The following CELF2 variants were observed in gnomAD, a reference collection of about 807,000 sequenced individuals.
CELF2 encodes CUGBP Elav-like family member 2, also known as CUG triplet repeat RNA-binding protein 2.
In CELF2, 8 loss-of-function variants were observed where a neutral mutation model predicts 62.6. The ratio of observed to expected loss-of-function variants is 0.13; its 90% CI spans 0.07 to 0.23. The LOEUF is 0.23. Among genes scored for constraint, CELF2 ranks in the 10% least tolerant of loss-of-function variants. The pLI is 1.00. For synonymous variants in CELF2, 258 were observed against 250.0 expected (o/e 1.03, Z -0.30); for missense variants, 333 against 671.0 (o/e 0.50, Z 5.56).
chr10:11,239,354 T>G (rs377373415), intron 3 of CELF2, among the ~76,000 whole-genome samples: 3 of 152,260 alleles, frequency 2.0e-5, no homozygotes, highest in South Asian at 4.1e-4. Flanking sequence ...CTGCAGTTTT[T>G]CTCCATCACT....
intron 1 of CELF2, among the ~76,000 whole-genome samples, chr10:10,915,906 A>C (rs968635346): frequency 6.6e-6 from 1 of 152,248 alleles, no homozygotes; most frequent in African/African-American, 2.4e-5. Context: ...TTAAGTGCTA[A>C]TGAATATTTT....
At position 11,025,239 on chromosome 10, in the gene CELF2, G is replaced by GTGTATATACATATATA. The variant is rs61580670; in HGVS notation, c.74+7077_74+7078insGTATATACATATATAT. ...TGTGTGTGTGTGTGTGTGTGTGTGT[G>GTGTATATACATATATA]TATATGTATGTGACTGTATATCTGG... On this transcript the variant is annotated intron_variant, in intron 1 of 12. Coordinates refer to ENST00000633077, the MANE Select transcript of CELF2 (RefSeq NM_001326342.2). 2.1e-5 allele frequency among the ~76,000 whole-genome samples: 3 copies of GTGTATATACATATATA among 140,998 alleles called. No individual in the cohort carries two copies. In the South Asian group the frequency reaches 7.0e-4, roughly 33 times the overall value. The allele number at this position is 140,998 out of a possible 152,430, so 92.5% of individuals were successfully genotyped here. A position where few individuals can be genotyped will look rare whatever the true frequency, so the allele number is the denominator to read the frequency against.
At chr10:10,798,704 T>TC in exon 1 of CELF2, 1 of 398,630 alleles carries the variant, frequency 2.5e-6, no homozygotes, top group Non-Finnish European at 4.4e-6. Context: ...CTCCGTCTGT[T>TC]CCCCAGCACC....
chr10:11,183,566 C>T (rs1275986085), intron 2 of CELF2, among the ~76,000 whole-genome samples: 1 of 152,208 alleles, frequency 6.6e-6, no homozygotes, highest in African/African-American at 2.4e-5. Context: ...ACCAGCAATA[C>T]CTGAGAGTTT....
the CELF2 span, among the ~76,000 whole-genome samples, chr10:10,691,006 A>ATT: frequency 2.2e-4 from 33 of 151,714 alleles, no homozygotes; most frequent in East Asian, 1.9e-3. Flanking sequence ...GATTATGGTG[A>ATT]TTTTTTTTTA....
chr10:11,302,383 A>G lies in CELF2; in HGVS notation c.977-11756A>G, dbSNP rs1450394309. On this transcript the variant is annotated intron_variant, in intron 9 of 12. Transcript: ENST00000633077. The surrounding 1 kb of genome is among the most constrained non-coding windows in gnomAD (Gnocchi z 5.0). Reference sequence around the variant, plus strand: ...ACTCAGATGCCCAAGCCCCACAACCAGAGCGTCTGACTCAGCGGGAGTGAG... The same window carrying G: ...ACTCAGATGCCCAAGCCCCACAACCGGAGCGTCTGACTCAGCGGGAGTGAG... Among the ~76,000 whole-genome samples, 2 of 152,208 alleles carry G rather than the reference A, an allele frequency of 1.3e-5. No individual in the cohort carries two copies. The highest frequency in any genetic ancestry group is 2.9e-5 in the Non-Finnish European group (2 of 68,030).
chr10:10,757,798 GAC>G, the CELF2 span, among the ~76,000 whole-genome samples: 1 of 152,334 alleles, frequency 6.6e-6, no homozygotes, highest in African/African-American at 2.4e-5. Flanking sequence ...GAAAAAAGAA[GAC>G]ACAGTTTCTG....
the CELF2 span, among the ~76,000 whole-genome samples, chr10:10,700,001 C>G: frequency 2.0e-5 from 3 of 152,170 alleles, no homozygotes; most frequent in Admixed American, 2.0e-4. Flanking sequence ...CAGAAAAAGC[C>G]TAGCCTCCAC....
intron 1 of CELF2, among the ~76,000 whole-genome samples, chr10:11,105,930 G>A (rs143203330): frequency 6.6e-6 from 1 of 152,200 alleles, no homozygotes; most frequent in Non-Finnish European, 1.5e-5. Flanking sequence ...GCATTATATA[G>A]TGTCTGGTTC....
At chr10:10,908,455 C>T (rs189235774) in intron 1 of CELF2, among the ~76,000 whole-genome samples, 91 of 151,892 alleles carry the variant, frequency 6.0e-4, no homozygotes, top group African/African-American at 2.1e-3. Flanking sequence ...CTCCTGAACT[C>T]GTGATCTGCC....
chr10:10,562,925 ATTT>A, the CELF2 span, among the ~76,000 whole-genome samples: 1 of 141,606 alleles, frequency 7.1e-6, no homozygotes, highest in South Asian at 2.2e-4. Context: ...AGTCTAAGGC[ATTT>A]TTTTTTTTTA....
At chr10:11,148,338 C>T (rs906223627) in intron 1 of CELF2, among the ~76,000 whole-genome samples, 26 of 152,284 alleles carry the variant, frequency 1.7e-4, no homozygotes, top group African/African-American at 5.5e-4. Flanking sequence ...CTTCACACAG[C>T]GTGTAACGGA....
chr10:10,785,077 G>A, the CELF2 span, among the ~76,000 whole-genome samples: 2 of 152,182 alleles, frequency 1.3e-5, no homozygotes, highest in African/African-American at 4.8e-5. Flanking sequence ...AAAGATTACT[G>A]TCAAATATAA....
At chr10:10,902,654 G>A (rs1209751752) in intron 1 of CELF2, among the ~76,000 whole-genome samples, 2 of 152,052 alleles carry the variant, frequency 1.3e-5, no homozygotes, top group African/African-American at 4.8e-5. Flanking sequence ...GAGTTGTTAG[G>A]TTGATTTATT....
the CELF2 span, among the ~76,000 whole-genome samples, chr10:10,529,696 A>C: frequency 6.6e-6 from 1 of 151,604 alleles, no homozygotes. Flanking sequence ...AAAAAAAAAA[A>C]AAAAAAAAAA....
chr10:10,951,838 T>C (rs945673508), intron 2 of CELF2: 2 of 152,532 alleles, frequency 1.3e-5, no homozygotes, highest in African/African-American at 4.8e-5. Flanking sequence ...CCCAAACATA[T>C]TGAAGTCAGC....
intron 12 of CELF2, among the ~76,000 whole-genome samples, chr10:11,327,769 G>A (rs148243406): frequency 4.1e-4 from 62 of 152,298 alleles, no homozygotes; most frequent in African/African-American, 1.2e-3. Context: ...GCTGCCCAGC[G>A]TTATGCCGCA....
At chr10:10,586,591 G>A in the CELF2 span, among the ~76,000 whole-genome samples, 3 of 152,260 alleles carry the variant, frequency 2.0e-5, no homozygotes, top group South Asian at 6.2e-4. Context: ...CGTGTAGTGG[G>A]AAAACTGCTG....
intron 1 of CELF2, among the ~76,000 whole-genome samples, chr10:10,904,228 A>ATTTTT (rs11374267): frequency 1.3e-5 from 2 of 148,304 alleles, no homozygotes; most frequent in African/African-American, 2.5e-5. Context: ...TCCATTTTTA[A>ATTTTT]TTTTTTTTTT....
Sources: allele counts gnomAD v4.1 joint callset (sites outside exome capture counted in the v4.1 genomes callset), GRCh38; gene constraint gnomAD v4.1.1; non-coding constraint Gnocchi (gnomAD v3.1); transcripts MANE v1.5; gene names NCBI Gene and HGNC (gene_info 2026-07-23, HGNC 2026-07-21).